ROBO1: variants seen among roughly 807,000 people sequenced by gnomAD.
ROBO1 encodes the protein roundabout guidance receptor 1.
Under a neutral mutation model 195.9 loss-of-function variants are expected in ROBO1, and 149 were observed. The ratio of observed to expected loss-of-function variants is 0.76; its 90% CI spans 0.67 to 0.87. The LOEUF (loss-of-function observed/expected upper bound fraction) is 0.87, where lower values mean the gene tolerates loss of function less well. Ranked by LOEUF, ROBO1 falls within the 40% of genes least tolerant of loss-of-function variation. The probability of loss-of-function intolerance (pLI) is 0.00; values close to 1 mark genes in which losing one functional copy is unlikely to be tolerated. For synonymous variants in ROBO1, 816 were observed against 733.2 expected (o/e 1.11, Z -1.82); for missense variants, 1,933 against 2,068.3 (o/e 0.93, Z 1.27).
chr3:79,447,964 T>C (rs2039320391), intron 2 of ROBO1, among the ~76,000 whole-genome samples: 1 of 152,182 alleles, frequency 6.6e-6, no homozygotes, highest in Non-Finnish European at 1.5e-5. Context: ...CTACCTACTA[T>C]TGTTGATACT....
chr3:79,744,923 T>A (rs1560151396), intron 1 of ROBO1, among the ~76,000 whole-genome samples: 2 of 151,996 alleles, frequency 1.3e-5, no homozygotes, highest in African/African-American at 2.4e-5. Flanking sequence ...AATATATATA[T>A]AAAAACATAT....
chr3:78,829,907 G>C (rs1335226846), intron 4 of ROBO1, among the ~76,000 whole-genome samples: 1 of 151,964 alleles, frequency 6.6e-6, no homozygotes, highest in Admixed American at 6.6e-5. Flanking sequence ...CCTTTTCTTA[G>C]GGCTTTAAAA....
At chr3:78,884,566 AG>A (rs2036389111) in intron 4 of ROBO1, among the ~76,000 whole-genome samples, 3 of 151,246 alleles carry the variant, frequency 2.0e-5, no homozygotes, top group Non-Finnish European at 4.4e-5. Context: ...AGAGAGAAAG[AG>A]AGAAAGAAAG....
intron 1 of ROBO1, among the ~76,000 whole-genome samples, chr3:79,626,338 G>A (rs1023875418): frequency 4.6e-5 from 7 of 152,088 alleles, no homozygotes; most frequent in South Asian, 2.1e-4. Context: ...TTGGAAGGCC[G>A]AGGCAGGAAT....
chr3:78,826,811 G>T (rs1365761719), intron 4 of ROBO1, among the ~76,000 whole-genome samples: 1 of 152,124 alleles, frequency 6.6e-6, no homozygotes, highest in Non-Finnish European at 1.5e-5. Context: ...ATTAGGTATT[G>T]ACACCCTCCA....
intron 30 of ROBO1, 74 bp downstream of exon 30, chr3:78,600,039 A>G: frequency 8.5e-7 from 1 of 1,177,656 alleles, no homozygotes; most frequent in Admixed American, 1.7e-5. Context: ...ATTTCTGTAC[A>G]CTGATGAAGG....
At chr3:79,605,903 G>T (rs1384971784) in intron 1 of ROBO1, among the ~76,000 whole-genome samples, 2 of 151,498 alleles carry the variant, frequency 1.3e-5, no homozygotes, top group Non-Finnish European at 2.9e-5. Flanking sequence ...CTTTTTCAAT[G>T]CTTTCGAGTA....
chr3:79,490,540 G>A (rs1045341985), intron 2 of ROBO1, among the ~76,000 whole-genome samples: 3 of 152,188 alleles, frequency 2.0e-5, no homozygotes, highest in Non-Finnish European at 2.9e-5. Flanking sequence ...AAATGGGAAG[G>A]GCTAGAATAA....
intron 1 of ROBO1, among the ~76,000 whole-genome samples, chr3:79,653,369 A>G (rs191301752): frequency 6.6e-6 from 1 of 152,014 alleles, no homozygotes; most frequent in East Asian, 1.9e-4. Flanking sequence ...TTTTACCTCT[A>G]TTGTTCAAGT....
intron 2 of ROBO1, among the ~76,000 whole-genome samples, chr3:79,360,464 A>G (rs1026719283): frequency 1.3e-5 from 2 of 152,028 alleles, no homozygotes; most frequent in African/African-American, 4.8e-5. Context: ...TAATAAAAAA[A>G]GAAAATAAAA....
At chr3:78,708,576 A>G (rs965114638) in intron 8 of ROBO1, among the ~76,000 whole-genome samples, 4 of 152,176 alleles carry the variant, frequency 2.6e-5, no homozygotes, top group African/African-American at 9.7e-5. Context: ...AGCATCTAAT[A>G]AATACGTAAT....
At chr3:79,330,888 T>G (rs1372072236) in intron 2 of ROBO1, among the ~76,000 whole-genome samples, 1 of 152,150 alleles carries the variant, frequency 6.6e-6, no homozygotes, top group African/African-American at 2.4e-5. Context: ...GGTCTGCATT[T>G]GTGAAATAAC....
chr3:79,549,680 C>A (rs1374650546), intron 2 of ROBO1, among the ~76,000 whole-genome samples: 1 of 152,086 alleles, frequency 6.6e-6, no homozygotes, highest in Non-Finnish European at 1.5e-5. Flanking sequence ...TGTTATTTTT[C>A]TATCAAGAAC....
chr3:78,756,161 A>G (rs1356689788), intron 4 of ROBO1, among the ~76,000 whole-genome samples: 1 of 152,168 alleles, frequency 6.6e-6, no homozygotes, highest in African/African-American at 2.4e-5. Context: ...CTAGTCATTG[A>G]TATACTGTGA....
chr3:78,842,988 A>C (rs867556815), intron 4 of ROBO1, among the ~76,000 whole-genome samples: 3 of 152,160 alleles, frequency 2.0e-5, no homozygotes, highest in African/African-American at 7.2e-5. Flanking sequence ...AAATGGATAA[A>C]GTATTTAATT....
At chr3:79,727,171 G>T (rs943679813) in intron 1 of ROBO1, among the ~76,000 whole-genome samples, 31 of 152,164 alleles carry the variant, frequency 2.0e-4, no homozygotes, top group Non-Finnish European at 3.1e-4. Flanking sequence ...TATGCCTCAG[G>T]TGCTATGTTA....
intron 4 of ROBO1, among the ~76,000 whole-genome samples, chr3:78,787,631 G>A (rs1275563147): frequency 3.3e-5 from 5 of 152,162 alleles, no homozygotes; most frequent in Non-Finnish European, 7.3e-5. Flanking sequence ...ACCACAGCTA[G>A]TTTAAAAATT....
intron 2 of ROBO1, among the ~76,000 whole-genome samples, chr3:79,228,592 T>C (rs946952346): frequency 2.0e-5 from 3 of 152,116 alleles, no homozygotes; most frequent in Non-Finnish European, 4.4e-5. Context: ...ACTGATTCCA[T>C]TGCCATAAAT....
intron 2 of ROBO1, among the ~76,000 whole-genome samples, chr3:79,566,634 G>A (rs186898248): frequency 8.5e-5 from 13 of 152,176 alleles, no homozygotes; most frequent in East Asian, 5.8e-4. Context: ...CTTTAAAGGC[G>A]TGACACAAAC....
Sources: gnomAD v4.1 joint callset for allele counts (sites outside exome capture counted in the v4.1 genomes callset) on GRCh38, gnomAD v4.1.1 for gene constraint, MANE v1.5 for transcripts, NCBI Gene and HGNC (gene_info 2026-07-23, HGNC 2026-07-21) for gene names.